FRK: variants seen among roughly 807,000 people sequenced by gnomAD.
FRK encodes the protein fyn related Src family tyrosine kinase, also known as tyrosine-protein kinase FRK.
FRK carries 51 observed loss-of-function variants against 56.4 expected under a neutral mutation model. The ratio of observed to expected loss-of-function variants is 0.90; its 90% confidence interval spans 0.72 to 1.14. The LOEUF is 1.14. Among genes scored for constraint, FRK ranks in the 50% most tolerant of loss-of-function variants. FRK has a pLI of 0.00. For missense variants in FRK, 570 were observed against 601.4 expected (o/e 0.95, Z 0.55); for synonymous variants, 245 against 217.9 (o/e 1.12, Z -1.10).
rs1014117124 is a variant in FRK at position 115,940,369 on chromosome 6, A to G, written c.*2045T>C. ...ACTTAAATGTAAGACCTAAAACCATAAAAACCCTAGAAGAAAACCTAGGCA... is the reference window on the plus strand; with the variant it reads ...ACTTAAATGTAAGACCTAAAACCATGAAAACCCTAGAAGAAAACCTAGGCA... On this transcript the variant is annotated 3_prime_UTR_variant, in exon 8 of 8. Coordinates refer to ENST00000606080, the MANE Select transcript of FRK (RefSeq NM_002031.3). 2 of 152,238 alleles carry G rather than the reference A, an allele frequency of 1.3e-5. No individual in the cohort carries two copies. Among genetic ancestry groups the G allele is most frequent in the Admixed American group, 1.3e-4 (2 of 15,290 alleles). 9.4% of individuals were successfully genotyped at this position (152,238 alleles called of 1,614,324 possible).
rs548969818 is a variant in FRK, at chr6:115,987,501, C to A, written c.466+16376G>T. Among the ~76,000 whole-genome samples the A allele has an allele frequency of 2.0e-5, 3 of 152,174 alleles. No homozygotes were observed. The South Asian group carries it at 6.2e-4, about 32-fold the overall frequency. ...AAATTGAAGACATAAGAAAGCAATC[C>A]TCATTTCTACTCTAACTCGTTATTA... On this transcript the variant is annotated intron_variant, in intron 2 of 7. Coordinates refer to ENST00000606080, the MANE Select transcript of FRK (RefSeq NM_002031.3).
chr6:115,967,690 C>A lies in FRK; in HGVS notation c.660G>T (p.Ser220=), dbSNP rs759364955. Residue 220 remains serine, a synonymous_variant, in exon 4 of 8, where the codon TCG becomes TCT. Coordinates refer to ENST00000606080, the MANE Select transcript of FRK (RefSeq NM_002031.3). ...KIQVPAPFDL[S]YKTVDQWEID... ...TCTCCCATTGGTCCACGGTTTTATACGACAAATCAAATGGAGCTGGGACCT... is the reference window on the plus strand; with the variant it reads ...TCTCCCATTGGTCCACGGTTTTATAAGACAAATCAAATGGAGCTGGGACCT... 1 of 1,607,190 alleles carries A rather than the reference C, an allele frequency of 6.2e-7. No homozygotes were observed. Among genetic ancestry groups the A allele is most frequent in the Non-Finnish European group, 8.5e-7 (1 of 1,177,074 alleles).
At chr6:115,969,519 C>G (rs6927766) in intron 2 of FRK, among the ~76,000 whole-genome samples, 15,047 of 152,174 alleles carry the variant, frequency 0.099, 873 homozygotes, top group South Asian at 0.15. Flanking sequence ...CCCAGTTTTC[C>G]TCAGAGAATT....
chr6:116,003,098 C>T (rs896186350), intron 2 of FRK, among the ~76,000 whole-genome samples: 1 of 152,250 alleles, frequency 6.6e-6, no homozygotes, highest in South Asian at 2.1e-4. Context: ...TCTCCCTCCA[C>T]AAGGTTCACA....
the FRK span, among the ~76,000 whole-genome samples, chr6:116,099,349 A>G: frequency 6.6e-6 from 1 of 152,240 alleles, no homozygotes; most frequent in Admixed American, 6.5e-5. Context: ...CACATGAAAC[A>G]AGATATTCCC....
At position 115,968,655 on chromosome 6, in the gene FRK, G is replaced by A; in HGVS notation, c.551C>T (p.Ser184Leu). 1 of 1,613,736 alleles carries A rather than the reference G, an allele frequency of 6.2e-7. No homozygotes were observed. Among genetic ancestry groups the A allele is most frequent in the Non-Finnish European group, 8.5e-7 (1 of 1,179,774 alleles). ...GTGGCTCACAAATTCGTTCAGTGTT[G>A]AAAAGATTCTTCTTCGCGTGAGAAA... Reference protein sequence around the residue: ...GFFLTRRRIFSTLNEFVSHYT... With the variant: ...GFFLTRRRIFLTLNEFVSHYT... The change falls in exon 3 of 8, where the codon TCA becomes TTA. Residue 184 changes from serine (S) to leucine (L), a missense_variant. Coordinates refer to ENST00000606080, the MANE Select transcript of FRK (RefSeq NM_002031.3).
At chr6:116,079,415 CAG>C in the FRK span, among the ~76,000 whole-genome samples, 1 of 136,768 alleles carries the variant, frequency 7.3e-6, no homozygotes, top group Non-Finnish European at 1.6e-5. Flanking sequence ...TTTTTTTTTT[CAG>C]AGTTCTTTCT....
chr6:116,008,185 T>C (rs904431520), intron 1 of FRK, among the ~76,000 whole-genome samples: 1 of 152,178 alleles, frequency 6.6e-6, no homozygotes, highest in Non-Finnish European at 1.5e-5. Context: ...AATATATATA[T>C]AAGCAGGCAG....
chr6:116,077,786 G>C, the FRK span, among the ~76,000 whole-genome samples: 1 of 152,072 alleles, frequency 6.6e-6, no homozygotes, highest in Non-Finnish European at 1.5e-5. Context: ...TCCTTTATTT[G>C]TTCCAACCCT....
chr6:116,000,124 G>C (rs1328666593), intron 2 of FRK, among the ~76,000 whole-genome samples: 2 of 149,378 alleles, frequency 1.3e-5, no homozygotes, highest in East Asian at 2.1e-4. Context: ...TCTACTTAGA[G>C]AGTATTCTGA....
At chr6:115,953,440 C>A (rs567951503) in intron 5 of FRK, among the ~76,000 whole-genome samples, 1 of 151,992 alleles carries the variant, frequency 6.6e-6, no homozygotes, top group Non-Finnish European at 1.5e-5. Flanking sequence ...CCGCCCGCCT[C>A]GGCCTCCCAA....
chr6:116,001,207 C>T (rs558284449), intron 2 of FRK, among the ~76,000 whole-genome samples: 14 of 150,432 alleles, frequency 9.3e-5, no homozygotes, highest in Admixed American at 2.6e-4. Context: ...CACTGCACTC[C>T]AGCCTGGTCG....
chr6:115,952,097 G>C (rs936418353), intron 5 of FRK, among the ~76,000 whole-genome samples: 3 of 151,996 alleles, frequency 2.0e-5, no homozygotes, highest in Non-Finnish European at 2.9e-5. Context: ...TTTGTCAGAT[G>C]AGTAGGTTGC....
intron 2 of FRK, among the ~76,000 whole-genome samples, chr6:115,985,558 TA>T (rs1774360769): frequency 6.6e-6 from 1 of 152,134 alleles, no homozygotes; most frequent in Admixed American, 6.6e-5. Flanking sequence ...AGCCTGGCTA[TA>T]AACCTCAGAT....
At chr6:115,996,794 G>A (rs1409973232) in intron 2 of FRK, among the ~76,000 whole-genome samples, 1 of 152,134 alleles carries the variant, frequency 6.6e-6, no homozygotes, top group Non-Finnish European at 1.5e-5. Flanking sequence ...TTAAAATCTA[G>A]TTTGAGATGC....
chr6:115,986,096 T>C (rs1371930810), intron 2 of FRK, among the ~76,000 whole-genome samples: 2 of 151,784 alleles, frequency 1.3e-5, no homozygotes, highest in Non-Finnish European at 2.9e-5. Flanking sequence ...ATTCATTCTC[T>C]CCTAGCCTTT....
the FRK span, among the ~76,000 whole-genome samples, chr6:116,075,118 C>G: frequency 1.3e-5 from 2 of 152,126 alleles, no homozygotes; most frequent in Non-Finnish European, 2.9e-5. Context: ...GAACTCTTCT[C>G]TCCTTTTGGA....
chr6:116,009,108 G>A (rs925799523), intron 1 of FRK, among the ~76,000 whole-genome samples: 4 of 152,150 alleles, frequency 2.6e-5, no homozygotes, highest in African/African-American at 9.7e-5. Context: ...CAGCCGGACT[G>A]GTTACAGCTT....
chr6:115,948,122 C>T lies in FRK; in HGVS notation c.959-3697G>A, dbSNP rs149712834. Among the ~76,000 whole-genome samples the T allele has an allele frequency of 2.8e-3, 431 of 152,328 alleles. 4 individuals are homozygous for T. Among genetic ancestry groups the T allele is most frequent in the African/African-American group, 1.0e-2 (414 of 41,564 alleles). On this transcript the variant is annotated intron_variant, in intron 5 of 7. Coordinates refer to ENST00000606080, the MANE Select transcript of FRK (RefSeq NM_002031.3). Reference sequence around the variant, plus strand: ...CTTTGCCTTACAGATAATCTCCACCCTGTTGTTCTCTCGCTTGCTCACTCT... The same window carrying T: ...CTTTGCCTTACAGATAATCTCCACCTTGTTGTTCTCTCGCTTGCTCACTCT...
Sources: gnomAD v4.1 joint callset for allele counts (sites outside exome capture counted in the v4.1 genomes callset) on GRCh38, gnomAD v4.1.1 for gene constraint, MANE v1.5 for transcripts, NCBI Gene and HGNC (gene_info 2026-07-23, HGNC 2026-07-21) for gene names.